Variants in ZSWIM5 observed in about 807,000 individuals in gnomAD.
The protein encoded by ZSWIM5 is zinc finger SWIM-type containing 5.
In ZSWIM5, 55 loss-of-function variants were observed where a neutral mutation model predicts 119.6. The observed-to-expected ratio is 0.46, with a 90% confidence interval of 0.37 to 0.58. The LOEUF is 0.58. ZSWIM5 is among the 20% of genes least tolerant of loss of function. The pLI, the probability that ZSWIM5 is intolerant of heterozygous loss-of-function variation, is 0.00. For synonymous variants in ZSWIM5, 537 were observed against 606.9 expected (o/e 0.88, Z 1.69); for missense variants, 1,193 against 1,512.8 (o/e 0.79, Z 3.51).
Position 45,120,214 on chromosome 1 carries a change from C to T in ZSWIM5, c.596-31977G>A, listed in dbSNP as rs141639112. On this transcript the variant is annotated intron_variant, in intron 1 of 13. Transcript: ENST00000359600. Reference sequence around the variant, plus strand: ...CAAAAATTAACTGGGCGTGGTGGCACATGCTTGTAGTCTCAGCTACTCGAG... The same window carrying T: ...CAAAAATTAACTGGGCGTGGTGGCATATGCTTGTAGTCTCAGCTACTCGAG... Among the ~76,000 whole-genome samples, 273 of 152,242 alleles carry T rather than the reference C, an allele frequency of 1.8e-3. 3 individuals carry two copies. The highest frequency in any genetic ancestry group is 6.2e-3 in the African/African-American group (258 of 41,550).
At chr1:45,199,321 C>T (rs561853411) in intron 1 of ZSWIM5, among the ~76,000 whole-genome samples, 13 of 147,186 alleles carry the variant, frequency 8.8e-5, no homozygotes, top group East Asian at 2.0e-4. Context: ...CTTTTTGAGA[C>T]GGAGTCTCAC....
intron 2 of ZSWIM5, among the ~76,000 whole-genome samples, chr1:45,073,806 G>A (rs1180157174): frequency 5.3e-5 from 8 of 151,766 alleles, no homozygotes; most frequent in East Asian, 3.9e-4. Context: ...TCCTTGTCAC[G>A]TTCCAGATCT....
At position 45,108,155 on chromosome 1, in the gene ZSWIM5, C is replaced by A. The variant is rs535278371; in HGVS notation, c.596-19918G>T. Reference sequence around the variant, plus strand: ...AACATAGATTGGGAAAAATAAATCACCCTCCTCAAGCATTTCTTTGGAGAA... The same window carrying A: ...AACATAGATTGGGAAAAATAAATCAACCTCCTCAAGCATTTCTTTGGAGAA... On this transcript the variant is annotated intron_variant, in intron 1 of 13. Coordinates refer to ENST00000359600, the MANE Select transcript of ZSWIM5 (RefSeq NM_020883.2). 9.2e-5 allele frequency among the ~76,000 whole-genome samples: 14 copies of A among 152,274 alleles called. No homozygotes were observed. In the Middle Eastern group the frequency reaches 0.01, roughly 111 times the overall value.
intron 7 of ZSWIM5, 100 bp from the exon 8 acceptor site, chr1:45,039,173 G>A: frequency 1.4e-6 from 2 of 1,410,028 alleles, no homozygotes; most frequent in Non-Finnish European, 1.9e-6. Context: ...TTGACCCTGA[G>A]AGTCAAATAA....
intron 3 of ZSWIM5, 150 bp downstream of exon 3, chr1:45,059,949 T>TA: frequency 1.1e-6 from 1 of 946,294 alleles, no homozygotes; most frequent in Non-Finnish European, 1.6e-6. Context: ...TGCTCAGGTC[T>TA]GGTCAGCCTC....
chr1:45,023,524 T>C (rs1164593885), intron 11 of ZSWIM5, among the ~76,000 whole-genome samples: 2 of 147,464 alleles, frequency 1.4e-5, no homozygotes, highest in African/African-American at 5.0e-5. Context: ...TTTGAGTGTG[T>C]GTGGCTTGAG....
At chr1:45,101,458 T>A (rs1645439158) in intron 1 of ZSWIM5, among the ~76,000 whole-genome samples, 1 of 152,178 alleles carries the variant, frequency 6.6e-6, no homozygotes, top group Non-Finnish European at 1.5e-5. Flanking sequence ...GTAAACTAGT[T>A]CAACCATTGT....
Position 45,051,174 on chromosome 1 carries a change from C to T in ZSWIM5, c.1332G>A (p.Lys444=), listed in dbSNP as rs145854151. ...EKSCWLQQLQ[K]WSDLDVCPLE... is the part of the protein sequence containing the mutation. ...GGGGACAGACATCCAGGTCGCTCCA[C>T]TTCTGCAGCTGCTGCAGCCAGCAGG... The change falls in exon 5 of 14, where the codon AAG becomes AAA. Residue 444 remains lysine (K), a synonymous_variant. Coordinates refer to ENST00000359600, the MANE Select transcript of ZSWIM5 (RefSeq NM_020883.2). 1.6e-4 allele frequency: 262 copies of T among 1,614,242 alleles called. 3 individuals carry two copies. The East Asian group carries it at 5.0e-3, about 31-fold the overall frequency.
intron 1 of ZSWIM5, among the ~76,000 whole-genome samples, chr1:45,186,096 T>C (rs1646056602): frequency 1.3e-5 from 2 of 151,316 alleles, no homozygotes; most frequent in African/African-American, 4.9e-5. Flanking sequence ...TTCATGTCCT[T>C]TGTAGGGACA....
At chr1:45,101,530 T>C (rs1645439584) in intron 1 of ZSWIM5, among the ~76,000 whole-genome samples, 1 of 152,096 alleles carries the variant, frequency 6.6e-6, no homozygotes, top group South Asian at 2.1e-4. Context: ...ACCCAGAGAT[T>C]CCACTACTGA....
In ZSWIM5 at chr1:45,205,689, C is replaced by T. The variant is rs182591317; in HGVS notation, c.595+67G>A. 147 of 1,398,892 alleles carry T rather than the reference C, an allele frequency of 1.1e-4. 1 individual carries two copies. The African/African-American group carries it at 1.6e-3, about 15-fold the overall frequency. The allele number at this position is 1,398,892 out of a possible 1,614,324, so 86.7% of individuals were successfully genotyped here. A position where few individuals can be genotyped will look rare whatever the true frequency, so the allele number is the denominator to read the frequency against. ...AGGCCGGGGTCTCGGCCCCAGGGCT[C>T]GGGCCGAGAAGAGGCACCCGCGGAA... is the stretch of plus-strand genomic sequence containing the variant. On this transcript the variant is annotated intron_variant, in intron 1 of 13. Transcript: ENST00000359600.
intron 1 of ZSWIM5, among the ~76,000 whole-genome samples, chr1:45,131,893 T>G (rs1431386756): frequency 6.6e-6 from 1 of 151,498 alleles, no homozygotes; most frequent in Admixed American, 6.6e-5. Context: ...AAAAGTTATA[T>G]ACAATTATAC....
At chr1:45,174,476 T>TA (rs1186132606) in intron 1 of ZSWIM5, among the ~76,000 whole-genome samples, 2 of 151,380 alleles carry the variant, frequency 1.3e-5, no homozygotes, top group Non-Finnish European at 2.9e-5. Context: ...CTCACACCTG[T>TA]AATCCCAGGA....
chr1:45,029,345 C>A (rs1330636870), intron 11 of ZSWIM5, among the ~76,000 whole-genome samples: 1 of 152,116 alleles, frequency 6.6e-6, no homozygotes, highest in Admixed American at 6.6e-5. Context: ...TGTAGTATGT[C>A]CTTTAATTTG....
intron 1 of ZSWIM5, among the ~76,000 whole-genome samples, chr1:45,192,042 C>T (rs1646095974): frequency 6.6e-6 from 1 of 152,166 alleles, no homozygotes; most frequent in Non-Finnish European, 1.5e-5. Context: ...CCCTAGAAAC[C>T]ACTAACCTAC....
chr1:45,179,141 C>T (rs771346404), intron 1 of ZSWIM5, among the ~76,000 whole-genome samples: 5 of 151,998 alleles, frequency 3.3e-5, no homozygotes, highest in South Asian at 2.1e-4. Flanking sequence ...AAGACACATA[C>T]GTGTACCTGT....
chr1:45,026,583 G>A (rs1235553164), intron 11 of ZSWIM5, among the ~76,000 whole-genome samples: 1 of 152,070 alleles, frequency 6.6e-6, no homozygotes, highest in African/African-American at 2.4e-5. Context: ...AATCCTACTT[G>A]TGGTTCATTC....
At chr1:45,066,718 G>A (rs769090658) in intron 2 of ZSWIM5, among the ~76,000 whole-genome samples, 14 of 152,146 alleles carry the variant, frequency 9.2e-5, no homozygotes, top group African/African-American at 1.9e-4. Flanking sequence ...ATTTGGACTC[G>A]ATCCTAACAG....
chr1:45,192,470 G>A (rs1434875799), intron 1 of ZSWIM5, among the ~76,000 whole-genome samples: 3 of 152,036 alleles, frequency 2.0e-5, no homozygotes, highest in Non-Finnish European at 4.4e-5. Flanking sequence ...TCCTTTTCAG[G>A]GCTAAATAAC....
Sources: gnomAD v4.1 joint callset for allele counts (sites outside exome capture counted in the v4.1 genomes callset) on GRCh38, gnomAD v4.1.1 for gene constraint, MANE v1.5 for transcripts, NCBI Gene and HGNC (gene_info 2026-07-23, HGNC 2026-07-21) for gene names.